The following PRLR variants were observed in gnomAD, a reference collection of about 807,000 sequenced individuals.
PRLR encodes the protein prolactin receptor.
A neutral mutation model predicts 40.2 loss-of-function variants in PRLR; 13 were observed. The observed-to-expected ratio is 0.32, with a 90% CI of 0.21 to 0.51. The LOEUF is 0.51. Among genes scored for constraint, PRLR ranks in the 20% least tolerant of loss-of-function variants. The pLI is 0.97. For missense variants in PRLR, 656 were observed against 747.3 expected, an observed-to-expected ratio of 0.88 and a Z score of 1.42; for synonymous variants, 269 against 278.7, an observed-to-expected ratio of 0.97 and a Z score of 0.35.
chr5:35,214,759 T>A lies in PRLR; in HGVS notation c.-106+15509A>T, dbSNP rs188574050. 2.0e-5 allele frequency among the ~76,000 whole-genome samples: 3 copies of A among 152,354 alleles called. No homozygotes were observed. In the East Asian group the frequency reaches 5.8e-4, roughly 29 times the overall value. On this transcript the variant is annotated intron_variant, in intron 1 of 9. Coordinates refer to ENST00000618457, the MANE Select transcript of PRLR (RefSeq NM_000949.7). ...GGCTAACTGCCTTTGCTCATTCCTA[T>A]ACATAGGCCAAGCTAATGATGGAAA...
intron 2 of PRLR, among the ~76,000 whole-genome samples, chr5:35,109,568 A>C (rs1451621702): frequency 6.6e-6 from 1 of 152,230 alleles, no homozygotes; most frequent in Non-Finnish European, 1.5e-5. Context: ...ATATGAACAG[A>C]CACTTCTCAA....
intron 1 of PRLR, among the ~76,000 whole-genome samples, chr5:35,138,874 A>G (rs964369633): frequency 1.3e-5 from 2 of 152,208 alleles, no homozygotes; most frequent in African/African-American, 4.8e-5. Flanking sequence ...TTCCAGTTAA[A>G]TCATGATATG....
At chr5:35,074,959 TA>T (rs1359191492) in intron 5 of PRLR, among the ~76,000 whole-genome samples, 1 of 152,132 alleles carries the variant, frequency 6.6e-6, no homozygotes, top group Non-Finnish European at 1.5e-5. Context: ...ATCACCTCCT[TA>T]AATCAATCTC....
chr5:35,176,714 G>C (rs1775157910), intron 1 of PRLR, among the ~76,000 whole-genome samples: 2 of 152,104 alleles, frequency 1.3e-5, no homozygotes, highest in African/African-American at 4.8e-5. Flanking sequence ...AGGAAAGCCA[G>C]GTATTGTCCA....
intron 5 of PRLR, among the ~76,000 whole-genome samples, chr5:35,075,742 A>G (rs1770047281): frequency 1.3e-5 from 2 of 152,194 alleles, no homozygotes; most frequent in South Asian, 4.1e-4. Flanking sequence ...CTGCCTCCTC[A>G]AGTGGGTCCC....
chr5:35,082,817 G>C (rs529535374), intron 5 of PRLR, among the ~76,000 whole-genome samples: 1 of 152,262 alleles, frequency 6.6e-6, no homozygotes, highest in African/African-American at 2.4e-5. Context: ...GGTTATAGGA[G>C]AGTTCTGTGG....
exon 9 of PRLR, chr5:35,048,781 A>T (rs1768371357): frequency 4.8e-6 from 1 of 207,028 alleles, no homozygotes; most frequent in East Asian, 1.0e-4. Context: ...TTAAGATCCA[A>T]CCAGGTTGCG....
At chr5:35,163,441 C>A (rs1470847882) in intron 1 of PRLR, among the ~76,000 whole-genome samples, 1 of 152,110 alleles carries the variant, frequency 6.6e-6, no homozygotes, top group African/African-American at 2.4e-5. Flanking sequence ...AGAGGAATGC[C>A]ATTTCATGAG....
chr5:35,088,468 T>G (rs142808296), intron 3 of PRLR, among the ~76,000 whole-genome samples: 150 of 152,312 alleles, frequency 9.8e-4, no homozygotes, highest in South Asian at 2.7e-3. Flanking sequence ...GATCATTGAT[T>G]TCTTGAGTAT....
intron 1 of PRLR, among the ~76,000 whole-genome samples, chr5:35,145,422 A>G (rs990434101): frequency 6.6e-6 from 1 of 152,154 alleles, no homozygotes; most frequent in Non-Finnish European, 1.5e-5. Context: ...AGCTAAGGGA[A>G]GAAGTCCCTA....
intron 1 of PRLR, among the ~76,000 whole-genome samples, chr5:35,229,022 C>G (rs922034888): frequency 2.0e-4 from 30 of 151,974 alleles, no homozygotes; most frequent in Non-Finnish European, 3.5e-4. Context: ...ACCTATCACC[C>G]CTAATTTTTA....
chr5:35,198,071 C>T (rs988903924), intron 1 of PRLR, among the ~76,000 whole-genome samples: 1 of 152,208 alleles, frequency 6.6e-6, no homozygotes, highest in South Asian at 2.1e-4. Flanking sequence ...ATCTTTCAGC[C>T]TCCCTCAGAT....
At chr5:35,105,409 T>C (rs767013196) in intron 2 of PRLR, among the ~76,000 whole-genome samples, 7 of 152,308 alleles carry the variant, frequency 4.6e-5, no homozygotes, top group African/African-American at 9.6e-5. Flanking sequence ...CTTCAGATGA[T>C]TGGCAATAAC....
At chr5:35,158,183 G>A (rs915063885) in intron 1 of PRLR, among the ~76,000 whole-genome samples, 8 of 152,178 alleles carry the variant, frequency 5.3e-5, no homozygotes, top group Non-Finnish European at 1.2e-4. Context: ...GGTAGACCAC[G>A]AGCACCCTGG....
intron 1 of PRLR, among the ~76,000 whole-genome samples, chr5:35,184,999 T>C (rs1040515461): frequency 6.6e-6 from 1 of 152,260 alleles, no homozygotes; most frequent in African/African-American, 2.4e-5. Flanking sequence ...AGGAAAGTTT[T>C]GTTTTGCATA....
At chr5:35,212,564 C>T (rs1776197098) in intron 1 of PRLR, among the ~76,000 whole-genome samples, 1 of 151,776 alleles carries the variant, frequency 6.6e-6, no homozygotes, top group South Asian at 2.1e-4. Flanking sequence ...TCCCTTTTTT[C>T]CCCCCAGTGA....
intron 9 of PRLR, among the ~76,000 whole-genome samples, chr5:35,067,850 A>G (rs575476656): frequency 5.5e-4 from 83 of 152,264 alleles, no homozygotes; most frequent in Middle Eastern, 3.4e-3. Flanking sequence ...GCTTTTACCA[A>G]TGTATGATTG....
At chr5:35,219,710 A>C (rs1222466446) in intron 1 of PRLR, among the ~76,000 whole-genome samples, 1 of 152,256 alleles carries the variant, frequency 6.6e-6, no homozygotes, top group Non-Finnish European at 1.5e-5. Context: ...GAATAGTCTT[A>C]CGAGACAGGA....
chr5:35,068,626 C>A (rs1769530012), intron 8 of PRLR, among the ~76,000 whole-genome samples, 153 bp downstream of exon 8: 1 of 151,564 alleles, frequency 6.6e-6, no homozygotes, highest in Admixed American at 6.6e-5. Flanking sequence ...CTTTTTATAG[C>A]ACTGATAAAA....
Sources: allele counts gnomAD v4.1 joint callset (sites outside exome capture counted in the v4.1 genomes callset), GRCh38; gene constraint gnomAD v4.1.1; transcripts MANE v1.5; gene names NCBI Gene and HGNC (gene_info 2026-07-23, HGNC 2026-07-21).